BICD1: variants seen among roughly 807,000 people sequenced by gnomAD.
The protein encoded by BICD1 is protein bicaudal D homolog 1.
In BICD1, 35 loss-of-function variants were observed where a neutral mutation model predicts 92.5. The ratio of observed to expected loss-of-function variants is 0.38; its 90% CI spans 0.29 to 0.50. The LOEUF (loss-of-function observed/expected upper bound fraction) is 0.50. Among genes scored for constraint, BICD1 ranks in the 20% least tolerant of loss-of-function variants. The probability of loss-of-function intolerance (pLI) is 0.93; values close to 1 mark genes in which losing one functional copy is unlikely to be tolerated. For missense variants in BICD1, 950 were observed against 1,189.8 expected (o/e 0.80, Z 2.97); for synonymous variants, 429 against 465.1 (o/e 0.92, Z 1.00).
intron 4 of BICD1, among the ~76,000 whole-genome samples, chr12:32,307,137 C>A (rs2136221632): frequency 6.6e-6 from 1 of 152,260 alleles, no homozygotes; most frequent in South Asian, 2.1e-4. Context: ...TCATCACAAG[C>A]AACTGTGTTT....
chr12:32,172,995 A>T (rs555342553), intron 1 of BICD1, among the ~76,000 whole-genome samples: 1 of 152,278 alleles, frequency 6.6e-6, no homozygotes, highest in South Asian at 2.1e-4. Flanking sequence ...CAGCCCGCTC[A>T]GCTCCCAGCT....
chr12:32,236,872 CTTT>C (rs57318640), intron 2 of BICD1, among the ~76,000 whole-genome samples: 6 of 89,306 alleles, frequency 6.7e-5, no homozygotes, highest in African/African-American at 2.8e-4. Flanking sequence ...AAGTCTAATT[CTTT>C]TTTTTTTTTT....
At chr12:32,184,953 C>G (rs575472977) in intron 1 of BICD1, among the ~76,000 whole-genome samples, 7 of 152,102 alleles carry the variant, frequency 4.6e-5, no homozygotes, top group Non-Finnish European at 8.8e-5. Context: ...TTGGTAGGAA[C>G]CTGTTTTATG....
At chr12:32,367,604 CACTGTT>C (rs768213634) in intron 8 of BICD1, 60 bp from the exon 9 acceptor site, 2 of 1,449,362 alleles carry the variant, frequency 1.4e-6, no homozygotes, top group East Asian at 4.6e-5. Context: ...CTGCTTTAGT[CACTGTT>C]ACTAACACCT....
chr12:32,301,909 C>A (rs937348480), intron 3 of BICD1, among the ~76,000 whole-genome samples: 1 of 152,064 alleles, frequency 6.6e-6, no homozygotes, highest in Non-Finnish European at 1.5e-5. Context: ...TATTTTTAGA[C>A]GGAGTCTTGC....
intron 2 of BICD1, among the ~76,000 whole-genome samples, chr12:32,252,915 C>T (rs1213370227): frequency 6.6e-6 from 1 of 152,056 alleles, no homozygotes; most frequent in East Asian, 1.9e-4. Context: ...TCTGTCATCC[C>T]GGCTGGAGTG....
At chr12:32,143,860 T>C (rs1249449984) in intron 1 of BICD1, among the ~76,000 whole-genome samples, 1 of 152,228 alleles carries the variant, frequency 6.6e-6, no homozygotes, top group Non-Finnish European at 1.5e-5. Flanking sequence ...ATGGTACTTA[T>C]AATTTGCATT....
intron 1 of BICD1, among the ~76,000 whole-genome samples, chr12:32,172,436 G>A (rs1943972420): frequency 6.6e-6 from 1 of 152,176 alleles, no homozygotes; most frequent in South Asian, 2.1e-4. Flanking sequence ...TGATGGTGAA[G>A]AAAAAGCCCT....
At chr12:32,273,185 T>C (rs1039272007) in intron 2 of BICD1, among the ~76,000 whole-genome samples, 1 of 152,236 alleles carries the variant, frequency 6.6e-6, no homozygotes, top group Non-Finnish European at 1.5e-5. Flanking sequence ...AGGCAGGACC[T>C]TGTCTTTTCA....
At chr12:32,107,765 G>A in intron 1 of BICD1, 1 of 713,020 alleles carries the variant, frequency 1.4e-6, no homozygotes. Flanking sequence ...GGGAGGCAAT[G>A]GCTGTTTGGC....
rs11051824 is a variant in BICD1, at chr12:32,161,455, C to T, written c.213+53911C>T. ...TAATTGTTGAATTATAGCCATTGGCCGAGAAAGTCTTGGATGTTTTACATT... is the reference window on the plus strand; with the variant it reads ...TAATTGTTGAATTATAGCCATTGGCTGAGAAAGTCTTGGATGTTTTACATT... On this transcript the variant is annotated intron_variant, in intron 1 of 9. Transcript: ENST00000652176. Among the ~76,000 whole-genome samples the T allele has an allele frequency of 7.1e-4, 108 of 152,172 alleles. 2 individuals are homozygous for T. The East Asian group carries it at 0.018, about 26-fold the overall frequency.
intron 4 of BICD1, among the ~76,000 whole-genome samples, chr12:32,320,355 T>C (rs1481989320): frequency 6.6e-6 from 1 of 151,606 alleles, no homozygotes; most frequent in Non-Finnish European, 1.5e-5. Context: ...ATAAAAAGGT[T>C]TTGAGGCTGG....
At chr12:32,111,999 C>A (rs982951497) in intron 1 of BICD1, among the ~76,000 whole-genome samples, 5 of 137,410 alleles carry the variant, frequency 3.6e-5, no homozygotes, top group African/African-American at 1.2e-4. Flanking sequence ...CTTGCACTAT[C>A]CCTTTTTTTT....
At chr12:32,343,365 C>T (rs941542651) in intron 8 of BICD1, among the ~76,000 whole-genome samples, 2 of 152,126 alleles carry the variant, frequency 1.3e-5, no homozygotes, top group African/African-American at 2.4e-5. Context: ...CCCTCTTCCT[C>T]CTCCTCCTCA....
chr12:32,292,433 C>T (rs1163394340), intron 2 of BICD1, among the ~76,000 whole-genome samples: 1 of 152,104 alleles, frequency 6.6e-6, no homozygotes, highest in Non-Finnish European at 1.5e-5. Context: ...TTAATTTTTG[C>T]CTTTGTAAAG....
chr12:32,135,386 C>CTT lies in BICD1; in HGVS notation c.213+27871_213+27872dup, dbSNP rs71064999. Among the ~76,000 whole-genome samples, 39 of 44,836 alleles carry CTT rather than the reference C, an allele frequency of 8.7e-4. 5 individuals are homozygous for CTT. The highest frequency in any genetic ancestry group is 2.2e-3 in the African/African-American group (21 of 9,578). 29.4% of individuals were successfully genotyped at this position (44,836 alleles called of 152,430 possible). On this transcript the variant is annotated intron_variant, in intron 1 of 9. Transcript: ENST00000652176. ...TACAGGCATGAGCCACCATGCGTGG[C>CTT]TTTTTTTTTTTTTTTTTTTTTTTTT...
chr12:32,136,153 GGTCT>G (rs1445016115), intron 1 of BICD1, among the ~76,000 whole-genome samples: 1 of 152,162 alleles, frequency 6.6e-6, no homozygotes, highest in Non-Finnish European at 1.5e-5. Flanking sequence ...TTGATTTTCA[GGTCT>G]GTTTCCTCCA....
chr12:32,244,182 A>T (rs1481282022), intron 2 of BICD1, among the ~76,000 whole-genome samples: 2 of 152,068 alleles, frequency 1.3e-5, no homozygotes, highest in African/African-American at 4.8e-5. Context: ...AATCAATACT[A>T]AGTTTCTTTT....
chr12:32,144,524 T>A (rs186856918), intron 1 of BICD1, among the ~76,000 whole-genome samples: 16 of 152,350 alleles, frequency 1.1e-4, no homozygotes, highest in African/African-American at 3.6e-4. Context: ...TATGTCTTCT[T>A]AGATATACGA....
Sources: allele counts gnomAD v4.1 joint callset (sites outside exome capture counted in the v4.1 genomes callset), GRCh38; gene constraint gnomAD v4.1.1; transcripts MANE v1.5; gene names NCBI Gene and HGNC (gene_info 2026-07-23, HGNC 2026-07-21).